IL16: variants seen among roughly 807,000 people sequenced by gnomAD.
IL16 encodes the protein interleukin 16.
In IL16, 67 loss-of-function variants were observed where a neutral mutation model predicts 110.1. That is an observed-to-expected ratio of 0.61 (90% CI 0.50 to 0.75). The LOEUF (loss-of-function observed/expected upper bound fraction) is 0.75, where lower values mean the gene tolerates loss of function less well. Ranked by LOEUF, IL16 falls within the 30% of genes least tolerant of loss-of-function variation. The pLI, the probability that IL16 is intolerant of heterozygous loss-of-function variation, is 0.00. For synonymous variants in IL16, 689 were observed against 662.9 expected (o/e 1.04, Z -0.61); for missense variants, 1,545 against 1,655.0 (o/e 0.93, Z 1.15).
chr15:81,260,261 A>T (rs1488109121), intron 3 of IL16, among the ~76,000 whole-genome samples: 1 of 152,236 alleles, frequency 6.6e-6, no homozygotes, highest in Non-Finnish European at 1.5e-5. Flanking sequence ...TACAAAGTCA[A>T]GAAAATGTGA....
At chr15:81,265,523 C>A in intron 3 of IL16, 136 bp from the exon 4 acceptor site, 3 of 899,038 alleles carry the variant, frequency 3.3e-6, no homozygotes, top group South Asian at 1.7e-5. Context: ...CTCCCCACCA[C>A]GCACCTGGCA....
chr15:81,289,306 T>C (rs948769705), intron 10 of IL16, among the ~76,000 whole-genome samples: 1 of 152,152 alleles, frequency 6.6e-6, no homozygotes, highest in African/African-American at 2.4e-5. Context: ...GGCTAATTTT[T>C]GTATTTTTAG....
At chr15:81,243,161 ATATTT>A (rs1897400647) in intron 2 of IL16, among the ~76,000 whole-genome samples, 4 of 27,776 alleles carry the variant, frequency 1.4e-4, no homozygotes, top group African/African-American at 4.5e-4. Context: ...ATATATATAT[ATATTT>A]TTTTTTTTTT....
At chr15:81,261,571 C>A (rs1898158825) in intron 3 of IL16, among the ~76,000 whole-genome samples, 1 of 152,180 alleles carries the variant, frequency 6.6e-6, no homozygotes, top group Admixed American at 6.5e-5. Context: ...GCCCACTGGG[C>A]TCTGGTAACA....
chr15:81,251,755 C>T (rs560354839), intron 2 of IL16, among the ~76,000 whole-genome samples: 163 of 152,232 alleles, frequency 1.1e-3, no homozygotes, highest in Non-Finnish European at 2.0e-3. Context: ...CCCACTGGAA[C>T]TAGCATAATG....
intron 4 of IL16, among the ~76,000 whole-genome samples, chr15:81,266,923 C>T (rs1898407788): frequency 6.6e-6 from 1 of 152,256 alleles, no homozygotes; most frequent in Non-Finnish European, 1.5e-5. Context: ...TCATCTCTCT[C>T]TTCCCTTCCT....
chr15:81,231,320 G>GTCTCTCTC (rs1304721258), intron 2 of IL16, among the ~76,000 whole-genome samples: 5 of 50,980 alleles, frequency 9.8e-5, no homozygotes, highest in Admixed American at 2.0e-4. Context: ...CCCAAGGTCG[G>GTCTCTCTC]TCTGTCTCTC....
intron 6 of IL16, among the ~76,000 whole-genome samples, chr15:81,274,522 T>A (rs1400712023): frequency 1.3e-5 from 2 of 152,156 alleles, no homozygotes; most frequent in Non-Finnish European, 2.9e-5. Context: ...AGAAAAAGGA[T>A]GGATCATATA....
intron 1 of IL16, among the ~76,000 whole-genome samples, chr15:81,202,570 C>T (rs1048892922): frequency 6.6e-6 from 1 of 151,002 alleles, no homozygotes; most frequent in African/African-American, 2.4e-5. Flanking sequence ...TGAGAACATG[C>T]AGTGTTTGGT....
intron 2 of IL16, among the ~76,000 whole-genome samples, chr15:81,244,308 T>C (rs1237185445): frequency 6.6e-6 from 1 of 152,056 alleles, no homozygotes; most frequent in Non-Finnish European, 1.5e-5. Flanking sequence ...GTTTTAAGAT[T>C]CTTTTTGTTT....
intron 2 of IL16, among the ~76,000 whole-genome samples, chr15:81,237,089 G>A (rs1361344079): frequency 2.0e-5 from 3 of 152,234 alleles, no homozygotes; most frequent in Middle Eastern, 3.4e-3. Flanking sequence ...TAACCCACTG[G>A]TTACTGCCTC....
At chr15:81,248,265 G>A (rs1897637798) in intron 2 of IL16, among the ~76,000 whole-genome samples, 1 of 152,016 alleles carries the variant, frequency 6.6e-6, no homozygotes, top group South Asian at 2.1e-4. Context: ...GTCTATGTCT[G>A]TATCTATCTA....
chr15:81,241,749 T>C (rs1229050964), intron 2 of IL16, among the ~76,000 whole-genome samples: 1 of 152,130 alleles, frequency 6.6e-6, no homozygotes, highest in Non-Finnish European at 1.5e-5. Context: ...TATAGTAGAA[T>C]ATTACTGATG....
chr15:81,292,444 A>C (rs890550486), intron 11 of IL16, 112 bp from the exon 12 acceptor site: 2 of 1,467,256 alleles, frequency 1.4e-6, no homozygotes, highest in Non-Finnish European at 1.9e-6. Context: ...TTCAGATAAG[A>C]AGCAGATGGC....
chr15:81,204,622 C>T (rs143586561), intron 1 of IL16, among the ~76,000 whole-genome samples: 2 of 151,940 alleles, frequency 1.3e-5, no homozygotes, highest in African/African-American at 4.8e-5. Context: ...TGCTGGATTA[C>T]GTTTATTGAA....
At chr15:81,267,736 A>G (rs7181247) in intron 4 of IL16, among the ~76,000 whole-genome samples, 43,330 of 152,068 alleles carry the variant, frequency 0.28, 7,790 homozygotes, top group African/African-American at 0.51. Context: ...GTTGGAATAT[A>G]AAGACAGGAA....
chr15:81,273,670 T>C (rs1215958676), intron 6 of IL16, among the ~76,000 whole-genome samples: 2 of 152,168 alleles, frequency 1.3e-5, no homozygotes, highest in Non-Finnish European at 2.9e-5. Flanking sequence ...CGGATGAGTC[T>C]GATAAACATT....
intron 2 of IL16, among the ~76,000 whole-genome samples, chr15:81,241,712 TC>T (rs977219184): frequency 2.6e-5 from 4 of 151,998 alleles, no homozygotes; most frequent in East Asian, 1.9e-4. Flanking sequence ...TAATCCAGTT[TC>T]CCCCAATGGT....
intron 2 of IL16, among the ~76,000 whole-genome samples, chr15:81,251,969 A>G (rs59763768): frequency 0.01 from 1,536 of 152,348 alleles, 21 homozygotes; most frequent in African/African-American, 0.035. Flanking sequence ...ATGAAGAGCA[A>G]TGAAAAACTG....
Sources: gnomAD v4.1 joint callset for allele counts (sites outside exome capture counted in the v4.1 genomes callset) on GRCh38, gnomAD v4.1.1 for gene constraint, MANE v1.5 for transcripts, NCBI Gene and HGNC (gene_info 2026-07-23, HGNC 2026-07-21) for gene names.